Variants in PTER observed in about 807,000 individuals in gnomAD.
PTER encodes the protein N-acetyltaurine hydrolase.
A neutral mutation model predicts 29.6 loss-of-function variants in PTER; 38 were observed. The observed-to-expected ratio is 1.28, with a 90% CI of 0.99 to 1.68. PTER has a LOEUF of 1.68. Ranked by LOEUF, PTER falls within the 40% of genes most tolerant of loss-of-function variation. The pLI, the probability that PTER is intolerant of heterozygous loss-of-function variation, is 0.00. For missense variants in PTER, 482 were observed against 427.8 expected, an observed-to-expected ratio of 1.13 and a Z score of -1.12; for synonymous variants, 172 against 154.5, an observed-to-expected ratio of 1.11 and a Z score of -0.84.
chr10:16,511,311 C>G lies in PTER; in HGVS notation c.*55C>G. On this transcript the variant is annotated 3_prime_UTR_variant, in exon 5 of 5. Coordinates refer to ENST00000535784, the MANE Select transcript of PTER (RefSeq NM_001261836.2). ...TATAAAACTTGCAGAGAACATTCAG[C>G]GATTTCCAGTCCACTGTGAGATATT... 1.4e-6 allele frequency: 2 copies of G among 1,449,592 alleles called. No homozygotes were observed. The highest frequency in any genetic ancestry group is 1.9e-6 in the Non-Finnish European group (2 of 1,034,678). The allele number at this position is 1,449,592 out of a possible 1,614,324, so 89.8% of individuals were successfully genotyped here.
chr10:16,457,235 T>G (rs909711897), intron 1 of PTER, among the ~76,000 whole-genome samples: 1 of 151,792 alleles, frequency 6.6e-6, no homozygotes, highest in African/African-American at 2.4e-5. Flanking sequence ...TTTTTTGAGA[T>G]GGAGTCTCAC....
intron 3 of PTER, among the ~76,000 whole-genome samples, chr10:16,500,956 C>T (rs1489990418): frequency 6.6e-6 from 1 of 151,562 alleles, no homozygotes; most frequent in African/African-American, 2.4e-5. Flanking sequence ...TTTTGAGACA[C>T]AGTCTCACTC....
At chr10:16,438,402 T>A (rs1031879613) in intron 1 of PTER, among the ~76,000 whole-genome samples, 11 of 151,118 alleles carry the variant, frequency 7.3e-5, no homozygotes, top group African/African-American at 2.4e-4. Flanking sequence ...GTTCAAGTGA[T>A]CCTCCCAGCT....
chr10:16,459,292 G>A (rs978203398), intron 1 of PTER, among the ~76,000 whole-genome samples: 1 of 152,158 alleles, frequency 6.6e-6, no homozygotes, highest in Non-Finnish European at 1.5e-5. Context: ...ACTTGGGCAA[G>A]TATATTTTAC....
intron 3 of PTER, among the ~76,000 whole-genome samples, chr10:16,490,142 A>G (rs187284216): frequency 5.3e-5 from 8 of 152,328 alleles, no homozygotes; most frequent in African/African-American, 9.6e-5. Context: ...ACATTAGCCT[A>G]TACTTCCGCA....
intron 1 of PTER, among the ~76,000 whole-genome samples, chr10:16,438,006 G>A (rs994940684): frequency 2.6e-5 from 4 of 152,026 alleles, no homozygotes; most frequent in Non-Finnish European, 5.9e-5. Flanking sequence ...CTACAAGTTG[G>A]TTTTCTTTTG....
At chr10:16,506,613 G>T (rs1024812577) in intron 4 of PTER, among the ~76,000 whole-genome samples, 1 of 152,106 alleles carries the variant, frequency 6.6e-6, no homozygotes, top group Non-Finnish European at 1.5e-5. Context: ...ATAGAAAGTC[G>T]GTTGAAAGGA....
intron 1 of PTER, among the ~76,000 whole-genome samples, chr10:16,455,508 T>C (rs1419477207): frequency 3.3e-5 from 5 of 152,018 alleles, no homozygotes; most frequent in Non-Finnish European, 7.4e-5. Context: ...CTGGGCAACA[T>C]ATCAATACCT....
At chr10:16,504,020 A>G (rs1029434504) in intron 3 of PTER, among the ~76,000 whole-genome samples, 1 of 152,094 alleles carries the variant, frequency 6.6e-6, no homozygotes, top group Non-Finnish European at 1.5e-5. Flanking sequence ...CTAATGGGGT[A>G]TATTTTTCCT....
intron 1 of PTER, among the ~76,000 whole-genome samples, chr10:16,445,237 C>T (rs186370281): frequency 6.6e-6 from 1 of 152,102 alleles, no homozygotes; most frequent in Non-Finnish European, 1.5e-5. Context: ...TTTTAACTAC[C>T]AATCGCTCTG....
chr10:16,462,178 G>A (rs955828233), intron 1 of PTER, among the ~76,000 whole-genome samples: 2 of 152,028 alleles, frequency 1.3e-5, no homozygotes, highest in African/African-American at 4.8e-5. Context: ...TACAGATGGG[G>A]TTTCCCCATG....
chr10:16,442,454 G>C (rs1833881369), intron 1 of PTER, among the ~76,000 whole-genome samples: 1 of 152,170 alleles, frequency 6.6e-6, no homozygotes, highest in South Asian at 2.1e-4. Flanking sequence ...GCTGTCATCT[G>C]ATTGCCATCA....
intron 1 of PTER, among the ~76,000 whole-genome samples, chr10:16,463,496 A>G (rs1834698660): frequency 6.6e-6 from 1 of 151,794 alleles, no homozygotes; most frequent in South Asian, 2.1e-4. Context: ...GCTAACTGCA[A>G]CCTCTGCCTT....
chr10:16,485,708 A>G (rs45485296), intron 2 of PTER, among the ~76,000 whole-genome samples: 7,201 of 152,286 alleles, frequency 0.047, 267 homozygotes, highest in East Asian at 0.15. Context: ...GTAACTATAC[A>G]TATGAACCCA....
chr10:16,493,689 A>G (rs7075143), intron 3 of PTER, among the ~76,000 whole-genome samples: 34,943 of 151,664 alleles, frequency 0.23, 6,229 homozygotes, highest in African/African-American at 0.49. Flanking sequence ...AGGGAAAGGG[A>G]GAGGGAGGGA....
chr10:16,472,751 A>C (rs1835100726), intron 1 of PTER, among the ~76,000 whole-genome samples: 1 of 152,212 alleles, frequency 6.6e-6, no homozygotes, highest in South Asian at 2.1e-4. Context: ...ACCTCTGGAC[A>C]GCTTTTTGAA....
At chr10:16,440,424 G>T (rs951380543) in intron 1 of PTER, among the ~76,000 whole-genome samples, 1 of 152,044 alleles carries the variant, frequency 6.6e-6, no homozygotes, top group East Asian at 1.9e-4. Flanking sequence ...AAAGAAAAAA[G>T]AATAAGAAAA....
In PTER at chr10:16,486,597, A is replaced by G; in HGVS notation, c.678A>G (p.Thr226=). The change falls in exon 3 of 5, where the codon ACA becomes ACG. Residue 226 remains threonine, a synonymous_variant. Coordinates refer to ENST00000535784, the MANE Select transcript of PTER (RefSeq NM_001261836.2). ...AAGCAGGCGCAGACATCTCCAAAAC[A>G]GTCATGTCACACCTGGATAGGTAAG... The part of the protein sequence containing the change: ...LQEAGADISK[T]VMSHLDRTIL... 6.2e-7 allele frequency: 1 copy of G among 1,613,472 alleles called. No individual in the cohort carries two copies. The highest frequency in any genetic ancestry group is 1.1e-5 in the South Asian group (1 of 91,020).
In PTER at chr10:16,443,879, A is replaced by G. The variant is rs370870034; in HGVS notation, c.-49+6832A>G. ...TGCTGTGGTCCTATCTGCTCTTTCTATAAAGTGGTATCTTGTGCTCATCTT... is the reference window on the plus strand; with the variant it reads ...TGCTGTGGTCCTATCTGCTCTTTCTGTAAAGTGGTATCTTGTGCTCATCTT... On this transcript the variant is annotated intron_variant, in intron 1 of 4. Coordinates refer to ENST00000535784, the MANE Select transcript of PTER (RefSeq NM_001261836.2). 4.1e-4 allele frequency among the ~76,000 whole-genome samples: 63 copies of G among 152,318 alleles called. No homozygotes were observed. The South Asian group carries it at 0.01, about 25-fold the overall frequency.
Sources: gnomAD v4.1 joint callset for allele counts (sites outside exome capture counted in the v4.1 genomes callset) on GRCh38, gnomAD v4.1.1 for gene constraint, MANE v1.5 for transcripts, NCBI Gene and HGNC (gene_info 2026-07-23, HGNC 2026-07-21) for gene names.